Variants in ALB observed in about 807,000 individuals in gnomAD.
ALB encodes the protein serum albumin.
ALB carries 37 observed loss-of-function variants against 74.5 expected under a neutral mutation model. The observed-to-expected ratio is 0.50, with a 90% CI of 0.38 to 0.65. The LOEUF is 0.65. ALB is among the 30% of genes least tolerant of loss of function. The pLI, the probability that ALB is intolerant of heterozygous loss-of-function variation, is 0.00. For missense variants in ALB, 685 were observed against 718.7 expected, an observed-to-expected ratio of 0.95 and a Z score of 0.54; for synonymous variants, 249 against 251.6, an observed-to-expected ratio of 0.99 and a Z score of 0.10.
intron 10 of ALB, among the ~76,000 whole-genome samples, 177 bp downstream of exon 10, chr4:73,416,530 A>G (rs971619005): frequency 1.2e-4 from 18 of 152,168 alleles, no homozygotes; most frequent in African/African-American, 3.9e-4. Flanking sequence ...GGAGAGGTCT[A>G]TATTTGAATG....
chr4:73,418,247 A>T lies in ALB; in HGVS notation c.1588A>T (p.Thr530Ser), dbSNP rs2149329624. 1 of 1,614,146 alleles carries T rather than the reference A, an allele frequency of 6.2e-7. No homozygotes were observed. The highest frequency in any genetic ancestry group is 8.5e-7 in the Non-Finnish European group (1 of 1,180,008). ...TYVPKEFNAE[T>S]FTFHADICTL... is the part of the protein sequence containing the mutation. ...CGTTCCCAAAGAGTTTAATGCTGAA[A>T]CATTCACCTTCCATGCAGATATATG... The change falls in exon 12 of 15, where the codon ACA (threonine) becomes TCA (serine). Residue 530 changes from threonine (T) to serine (S), a missense_variant. Coordinates refer to ENST00000295897, the MANE Select transcript of ALB (RefSeq NM_000477.7).
intron 3 of ALB, among the ~76,000 whole-genome samples, chr4:73,407,971 A>C (rs555274357): frequency 2.0e-5 from 3 of 152,314 alleles, no homozygotes; most frequent in Non-Finnish European, 2.9e-5. Context: ...AAAATACATA[A>C]AAATTAATAA....
intron 10 of ALB, 120 bp downstream of exon 10, chr4:73,416,473 C>G: frequency 2.6e-6 from 2 of 766,308 alleles, no homozygotes; most frequent in South Asian, 1.5e-5. Context: ...TCTAATCACT[C>G]TTTGTCAAGA....
At chr4:73,412,203 A>G (rs900548778) in intron 7 of ALB, 78 bp downstream of exon 7, 51 of 1,553,196 alleles carry the variant, frequency 3.3e-5, no homozygotes, top group Non-Finnish European at 4.4e-5. Flanking sequence ...ATCATTGGTG[A>G]TAGCTGACAG....
At position 73,412,121 on chromosome 4, in the gene ALB, A is replaced by G; in HGVS notation, c.839A>G (p.Asp280Gly). ...CHGDLLECAD[D>G]RADLAKYICE... ...GGAGATCTGCTTGAATGTGCTGATG[A>G]CAGGGTAAAGAGTCGTCGATATGCT... The change falls in exon 7 of 15, where the codon GAC becomes GGC. Residue 280 changes from aspartate to glycine, a missense_variant. Coordinates refer to ENST00000295897, the MANE Select transcript of ALB (RefSeq NM_000477.7). 1 of 1,614,070 alleles carries G rather than the reference A, an allele frequency of 6.2e-7. No individual in the cohort carries two copies. Among genetic ancestry groups the G allele is most frequent in the Non-Finnish European group, 8.5e-7 (1 of 1,179,978 alleles).
intron 5 of ALB, among the ~76,000 whole-genome samples, chr4:73,409,901 T>C (rs1021524172): frequency 6.6e-6 from 1 of 152,150 alleles, no homozygotes; most frequent in Non-Finnish European, 1.5e-5. Context: ...ATTCATTCCA[T>C]AAATATATAT....
chr4:73,415,547 A>G (rs964076132), intron 9 of ALB, among the ~76,000 whole-genome samples: 3 of 152,234 alleles, frequency 2.0e-5, no homozygotes, highest in African/African-American at 4.8e-5. Flanking sequence ...GGCAAATTAT[A>G]GAACCTATCC....
Position 73,413,511 on chromosome 4 carries a change from A to G in ALB, c.935A>G (p.His312Arg). Residue 312 changes from histidine (H) to arginine (R), a missense_variant, in exon 8 of 15, where the codon CAC (histidine) becomes CGC (arginine). Transcript: ENST00000295897. The stretch of plus-strand genomic sequence containing the variant: ...GAAAAACCTCTGTTGGAAAAATCCC[A>G]CTGCATTGCCGAAGTGGAAAATGAT... ...CCEKPLLEKS[H>R]CIAEVENDEM... The G allele has an allele frequency of 6.2e-7, 1 of 1,614,190 alleles. No homozygotes were observed. The highest frequency in any genetic ancestry group is 8.5e-7 in the Non-Finnish European group (1 of 1,180,028).
chr4:73,410,404 AG>A lies in ALB; in HGVS notation c.709del (p.Ala237HisfsTer4). ...LQKFGERAFK[A>X]WAVARLSQRF... Reference sequence around the variant, plus strand: ...AAAAATTTGGAGAAAGAGCTTTCAAAGCATGGTAAATACTTTTAAACATAGT... The same window carrying A: ...AAAAATTTGGAGAAAGAGCTTTCAAACATGGTAAATACTTTTAAACATAGT... On this transcript the variant is annotated frameshift_variant, in exon 6 of 15. Transcript: ENST00000295897. LOFTEE classifies it high-confidence loss of function. The A allele has an allele frequency of 6.2e-7, 1 of 1,604,630 alleles. No homozygotes were observed. Among genetic ancestry groups the A allele is most frequent in the Non-Finnish European group, 8.5e-7 (1 of 1,171,358 alleles).
chr4:73,409,045 TAGAC>T (rs1235754094), intron 4 of ALB: 3 of 576,924 alleles, frequency 5.2e-6, no homozygotes, highest in Non-Finnish European at 9.2e-6. Context: ...AAATTTAAGA[TAGAC>T]AAATTATTTA....
In ALB at chr4:73,413,431, C is replaced by A; in HGVS notation, c.855C>A (p.Ala285=). 6.2e-7 allele frequency: 1 copy of A among 1,613,866 alleles called. No individual in the cohort carries two copies. Among genetic ancestry groups the A allele is most frequent in the Non-Finnish European group, 8.5e-7 (1 of 1,179,816 alleles). Residue 285 remains alanine (A), a synonymous_variant, in exon 8 of 15, where the codon GCC becomes GCA. Coordinates refer to ENST00000295897, the MANE Select transcript of ALB (RefSeq NM_000477.7). The part of the protein sequence containing the change: ...LECADDRADL[A]KYICENQDSI... ...CAACTTACTTATAGGCGGACCTTGC[C>A]AAGTATATCTGTGAAAATCAAGATT...
chr4:73,410,093 T>C (rs919469470), intron 5 of ALB, among the ~76,000 whole-genome samples: 1 of 152,124 alleles, frequency 6.6e-6, no homozygotes, highest in Non-Finnish European at 1.5e-5. Flanking sequence ...TTCCAGTTGG[T>C]TTCTAACTAC....
intron 3 of ALB, among the ~76,000 whole-genome samples, chr4:73,407,681 A>G (rs1243108571): frequency 6.6e-6 from 1 of 152,214 alleles, no homozygotes; most frequent in Non-Finnish European, 1.5e-5. Flanking sequence ...TAGTACAGCT[A>G]TATATTCCTC....
At chr4:73,408,193 G>C (rs577494109) in intron 3 of ALB, among the ~76,000 whole-genome samples, 14 of 152,174 alleles carry the variant, frequency 9.2e-5, no homozygotes, top group African/African-American at 3.1e-4. Context: ...CTCTAAAAAG[G>C]GGGCAAATGA....
At chr4:73,408,491 T>C in intron 3 of ALB, 103 bp from the exon 4 acceptor site, 1 of 1,046,434 alleles carries the variant, frequency 9.6e-7, no homozygotes, top group East Asian at 2.6e-5. Flanking sequence ...TTAAATGATT[T>C]CCTGACCAAG....
At chr4:73,408,144 T>C (rs1331250587) in intron 3 of ALB, among the ~76,000 whole-genome samples, 1 of 152,148 alleles carries the variant, frequency 6.6e-6, no homozygotes, top group East Asian at 1.9e-4. Flanking sequence ...TGGATTGTGT[T>C]ACTCCTCAGT....
At chr4:73,414,529 T>A (rs1287505447) in intron 8 of ALB, among the ~76,000 whole-genome samples, 1 of 152,154 alleles carries the variant, frequency 6.6e-6, no homozygotes, top group Non-Finnish European at 1.5e-5. Flanking sequence ...AATGGTGCCA[T>A]CTCGGCTCAC....
chr4:73,419,860 T>C (rs544194949), intron 13 of ALB, among the ~76,000 whole-genome samples: 2 of 152,348 alleles, frequency 1.3e-5, no homozygotes, highest in South Asian at 4.1e-4. Context: ...CTGTTCTGTT[T>C]CCAAATTTGT....
intron 2 of ALB, 111 bp from the exon 3 acceptor site, chr4:73,406,518 A>T: frequency 9.6e-7 from 1 of 1,041,256 alleles, no homozygotes; most frequent in Non-Finnish European, 1.4e-6. Context: ...ATGGTGAAGA[A>T]GATGTATAAA....
Sources: allele counts gnomAD v4.1 joint callset (sites outside exome capture counted in the v4.1 genomes callset), GRCh38; gene constraint gnomAD v4.1.1; transcripts MANE v1.5; gene names NCBI Gene and HGNC (gene_info 2026-07-23, HGNC 2026-07-21).